Variants in ASMT observed in about 807,000 individuals in gnomAD.
ASMT encodes the protein acetylserotonin N-methyltransferase.
In ASMT, 53 loss-of-function variants were observed where a neutral mutation model predicts 41.3. That is an observed-to-expected ratio of 1.28 (90% CI 1.03 to 1.61). The LOEUF is 1.61. Among genes scored for constraint, ASMT ranks in the 40% most tolerant of loss-of-function variants. The pLI is 0.00. For synonymous variants in ASMT, 231 were observed against 184.8 expected, an observed-to-expected ratio of 1.25 and a Z score of -2.03; for missense variants, 531 against 441.3, an observed-to-expected ratio of 1.20 and a Z score of -1.82.
At chrX:1,629,326 G>T (rs375985006) in intron 4 of ASMT, among the ~76,000 whole-genome samples, 14 of 151,948 alleles carry the variant, frequency 9.2e-5, no homozygotes, top group Admixed American at 1.3e-4. Context: ...GGGAGCTGTG[G>T]GGGGGGAGGA....
At chrX:1,619,349 A>C (rs1297430482) in intron 1 of ASMT, among the ~76,000 whole-genome samples, 2 of 149,246 alleles carry the variant, frequency 1.3e-5, no homozygotes, top group Non-Finnish European at 3.0e-5. Flanking sequence ...AGCCGAGATC[A>C]CGCCACTGCA....
At chrX:1,627,485 G>A (rs1934594587) in intron 3 of ASMT, among the ~76,000 whole-genome samples, 1 of 151,936 alleles carries the variant, frequency 6.6e-6, no homozygotes, top group African/African-American at 2.4e-5. Flanking sequence ...GCTGGGCGTG[G>A]TGGCGGGCGC....
intron 7 of ASMT, chrX:1,636,195 G>C (rs1569383356): frequency 1.1e-5 from 6 of 567,330 alleles, no homozygotes; most frequent in Non-Finnish European, 2.0e-5. Context: ...CTGACCTCGT[G>C]ATCTGCCCAC....
At position 1,622,394 on chromosome X, in the gene ASMT, G is replaced by A. The variant is rs1277590002; in HGVS notation, c.70-745G>A. Among the ~76,000 whole-genome samples, 12 of 148,232 alleles carry A rather than the reference G, an allele frequency of 8.1e-5. No homozygotes were observed. The East Asian group carries it at 2.1e-3, about 25-fold the overall frequency. ...CAACCTCCGCTTAGCAGGTTCAAGC[G>A]ATTCTCCTGCCTCAGCCTCCCAAGT... On this transcript the variant is annotated intron_variant, in intron 1 of 8. Coordinates refer to ENST00000381241, the MANE Select transcript of ASMT (RefSeq NM_001171038.2).
chrX:1,636,134 T>G (rs1288847393), intron 7 of ASMT: 3 of 384,962 alleles, frequency 7.8e-6, no homozygotes, highest in East Asian at 6.3e-5. Context: ...TTTTTTTGTA[T>G]TTTTAGTAGA....
At chrX:1,642,763 G>T in intron 8 of ASMT, 40 bp from the exon 9 acceptor site, 1 of 1,577,180 alleles carries the variant, frequency 6.3e-7, no homozygotes, top group Non-Finnish European at 8.7e-7. Context: ...GTCTGTCTGT[G>T]TGTTTGTGTG....
In ASMT at chrX:1,615,187, G is replaced by A; in HGVS notation, c.-13G>A. ...CCAGAGGCTCCGGAAGCCACGGCTGGATTGGAGACAAGATGGGATCCTCAG... is the reference window on the plus strand; with the variant it reads ...CCAGAGGCTCCGGAAGCCACGGCTGAATTGGAGACAAGATGGGATCCTCAG... On this transcript the variant is annotated 5_prime_UTR_variant, in exon 1 of 9. Transcript: ENST00000381241. The A allele has an allele frequency of 6.3e-7, 1 of 1,586,740 alleles. No homozygotes were observed. The highest frequency in any genetic ancestry group is 8.6e-7 in the Non-Finnish European group (1 of 1,166,740).
chrX:1,620,008 C>T (rs1379229641), intron 1 of ASMT, among the ~76,000 whole-genome samples: 21 of 150,394 alleles, frequency 1.4e-4, no homozygotes, highest in African/African-American at 5.1e-4. Flanking sequence ...CAGGAGAATC[C>T]CTTGAACCCG....
chrX:1,627,413 C>T (rs1351955174), intron 3 of ASMT, among the ~76,000 whole-genome samples: 2 of 150,664 alleles, frequency 1.3e-5, no homozygotes, highest in African/African-American at 4.9e-5. Flanking sequence ...CCTGAGGTCA[C>T]GAGTTTGAGA....
intron 7 of ASMT, among the ~76,000 whole-genome samples, chrX:1,635,655 G>A (rs2149471669): frequency 6.6e-6 from 1 of 151,956 alleles, no homozygotes; most frequent in East Asian, 2.0e-4. Flanking sequence ...TCAGGTTGGG[G>A]GTTCGAGACC....
At chrX:1,621,927 T>G (rs1443835916) in intron 1 of ASMT, among the ~76,000 whole-genome samples, 1 of 151,932 alleles carries the variant, frequency 6.6e-6, no homozygotes, top group African/African-American at 2.4e-5. Context: ...ACTCACAACC[T>G]CAGTTGCTCC....
rs780355844 is a variant in ASMT, at chrX:1,642,333, T to C, written c.911-470T>C. Among the ~76,000 whole-genome samples the C allele has an allele frequency of 1.2e-4, 17 of 144,722 alleles. 2 individuals are homozygous for C. Among genetic ancestry groups the C allele is most frequent in the Non-Finnish European group, 1.8e-4 (12 of 66,396 alleles). 94.9% of individuals were successfully genotyped at this position (144,722 alleles called of 152,430 possible). A position where few individuals can be genotyped will look rare whatever the true frequency, so the allele number is the denominator to read the frequency against. On this transcript the variant is annotated intron_variant, in intron 8 of 8. Transcript: ENST00000381241. ...TACATCCTGATGGTCCATGAGGACA[T>C]GGGCACAACCTCTGTGTGTATAATG...
At chrX:1,620,284 G>T (rs769809587) in intron 1 of ASMT, among the ~76,000 whole-genome samples, 1 of 141,676 alleles carries the variant, frequency 7.1e-6, no homozygotes, top group African/African-American at 2.6e-5. Context: ...CGATTCTCCT[G>T]CCTCAGCCTC....
At chrX:1,623,438 A>C in intron 2 of ASMT, 125 bp downstream of exon 2, 1 of 1,251,486 alleles carries the variant, frequency 8.0e-7, no homozygotes, top group Non-Finnish European at 1.1e-6. Flanking sequence ...CTACTAAAAA[A>C]AATACAAAAA....
At chrX:1,615,403 A>G in intron 1 of ASMT, 135 bp downstream of exon 1, 1 of 918,150 alleles carries the variant, frequency 1.1e-6, no homozygotes, top group Non-Finnish European at 1.8e-6. Context: ...AAAGACGTAC[A>G]CCCACGATGT....
At chrX:1,632,808 C>A (rs1274657557) in intron 6 of ASMT, 21 bp downstream of exon 6, 54 of 452,260 alleles carry the variant, frequency 1.2e-4, no homozygotes, top group Middle Eastern at 6.3e-4. Flanking sequence ...AACAATGAGA[C>A]CACATGGACA....
chrX:1,623,686 A>G (rs112219794), intron 2 of ASMT, among the ~76,000 whole-genome samples: 18,860 of 151,924 alleles, frequency 0.12, 1,249 homozygotes, highest in East Asian at 0.19. Context: ...TGTGAGACCC[A>G]GGCTGGGGGA....
chrX:1,619,321 G>C (rs1391794321), intron 1 of ASMT, among the ~76,000 whole-genome samples: 1 of 151,262 alleles, frequency 6.6e-6, no homozygotes, highest in East Asian at 2.0e-4. Flanking sequence ...GTGAACCCGG[G>C]AGGTGGAGGT....
chrX:1,616,687 T>C (rs1387063492), intron 1 of ASMT, among the ~76,000 whole-genome samples: 1 of 151,130 alleles, frequency 6.6e-6, no homozygotes, highest in African/African-American at 2.4e-5. Flanking sequence ...CTGGGCAACA[T>C]AGTGAGACCC....
Sources: gnomAD v4.1 joint callset for allele counts (sites outside exome capture counted in the v4.1 genomes callset) on GRCh38, gnomAD v4.1.1 for gene constraint, MANE v1.5 for transcripts, NCBI Gene and HGNC (gene_info 2026-07-23, HGNC 2026-07-21) for gene names.